The following TOGARAM1 variants were observed in gnomAD, a reference collection of about 807,000 sequenced individuals.
TOGARAM1 encodes the protein TOG array regulator of axonemal microtubules protein 1.
A neutral mutation model predicts 166.6 loss-of-function variants in TOGARAM1; 100 were observed. The ratio of observed to expected loss-of-function variants is 0.60; its 90% confidence interval spans 0.51 to 0.71. The LOEUF is 0.71. TOGARAM1 is among the 30% of genes least tolerant of loss of function. The probability of loss-of-function intolerance (pLI) is 0.00; values close to 1 mark genes in which losing one functional copy is unlikely to be tolerated. For synonymous variants in TOGARAM1, 758 were observed against 763.8 expected, an observed-to-expected ratio of 0.99 and a Z score of 0.13; for missense variants, 2,029 against 2,102.7, an observed-to-expected ratio of 0.96 and a Z score of 0.69.
chr14:45,044,261 C>T (rs1881868812), intron 12 of TOGARAM1, among the ~76,000 whole-genome samples: 1 of 152,098 alleles, frequency 6.6e-6, no homozygotes, highest in Non-Finnish European at 1.5e-5. Flanking sequence ...CCACCCACCT[C>T]GGCCTCCCAA....
chr14:44,964,348 A>T lies in TOGARAM1; in HGVS notation c.1927A>T (p.Thr643Ser), dbSNP rs776602927. 6.2e-7 allele frequency: 1 copy of T among 1,614,106 alleles called. No homozygotes were observed. Among genetic ancestry groups the T allele is most frequent in the East Asian group, 2.2e-5 (1 of 44,888 alleles). ...SMHIYGSYSP[T>S]ICTRRVLSAG... is the part of the protein sequence containing the mutation. ...GCACATTTATGGATCTTACAGCCCA[A>T]CTATCTGTACCCGAAGGGTATTAAG... Residue 643 changes from threonine to serine, a missense_variant, in exon 1 of 20, where the codon ACT (threonine) becomes TCT (serine). Physicochemically the swap from Thr to Ser is moderately conservative, Grantham distance 58. This residue lies in a region of TOGARAM1 where 1,453 missense variants were observed against 1,432.2 expected (regional missense o/e 1.01). Coordinates refer to ENST00000361462, the MANE Select transcript of TOGARAM1 (RefSeq NM_001308120.2).
rs779058741 is a variant in TOGARAM1 at position 45,052,463 on chromosome 14, C to T, written c.4341C>T (p.Phe1447=). ...ATTATGGTCGAAAGATGCTGTTCTT[C>T]ATGATGTGTCATCCTAACTTTGAAA... ...TRYYGRKMLF[F]MMCHPNFEKM... is the part of the protein sequence containing the mutation. The change falls in exon 15 of 20, where the codon TTC becomes TTT. Residue 1447 remains phenylalanine, a synonymous_variant. Coordinates refer to ENST00000361462, the MANE Select transcript of TOGARAM1 (RefSeq NM_001308120.2). 1.9e-6 allele frequency: 3 copies of T among 1,612,524 alleles called. No individual in the cohort carries two copies. The South Asian group carries it at 3.3e-5, about 18-fold the overall frequency.
chr14:45,073,655 A>C lies in TOGARAM1; in HGVS notation c.*94A>C. The C allele has an allele frequency of 8.4e-7, 1 of 1,185,686 alleles. No homozygotes were observed. The highest frequency in any genetic ancestry group is 1.6e-5 in the South Asian group (1 of 64,258). 73.4% of individuals were successfully genotyped at this position (1,185,686 alleles called of 1,614,324 possible). A position where few individuals can be genotyped will look rare whatever the true frequency, so the allele number is the denominator to read the frequency against. On this transcript the variant is annotated 3_prime_UTR_variant, in exon 20 of 20. Coordinates refer to ENST00000361462, the MANE Select transcript of TOGARAM1 (RefSeq NM_001308120.2). ...TATGTTATCAGTGCCTGCACTTCACATCCAGCAAATTAAGTCAATGGCTAT... is the reference window on the plus strand; with the variant it reads ...TATGTTATCAGTGCCTGCACTTCACCTCCAGCAAATTAAGTCAATGGCTAT...
At chr14:45,004,722 G>A (rs1322017693) in intron 4 of TOGARAM1, among the ~76,000 whole-genome samples, 3 of 152,100 alleles carry the variant, frequency 2.0e-5, no homozygotes, top group African/African-American at 7.2e-5. Context: ...AAAGTGCTGG[G>A]ATTACAGGCT....
chr14:44,978,659 A>G (rs1886348190), intron 1 of TOGARAM1, among the ~76,000 whole-genome samples: 1 of 152,130 alleles, frequency 6.6e-6, no homozygotes, highest in Non-Finnish European at 1.5e-5. Flanking sequence ...TTAGCCAGGC[A>G]TGGTGGCACA....
intron 3 of TOGARAM1, among the ~76,000 whole-genome samples, chr14:45,001,557 C>CA (rs539745279): frequency 1.3e-5 from 2 of 151,672 alleles, no homozygotes; most frequent in South Asian, 2.1e-4. Context: ...AATTCAATAG[C>CA]AAAAAAACAA....
intron 2 of TOGARAM1, among the ~76,000 whole-genome samples, chr14:44,998,449 T>G (rs1389459300): frequency 6.6e-6 from 1 of 152,192 alleles, no homozygotes; most frequent in Non-Finnish European, 1.5e-5. Flanking sequence ...GCGCTGTGGC[T>G]CACGCCTGTA....
intron 1 of TOGARAM1, among the ~76,000 whole-genome samples, chr14:44,994,614 T>A (rs905658939): frequency 6.6e-6 from 1 of 152,182 alleles, no homozygotes; most frequent in Non-Finnish European, 1.5e-5. Flanking sequence ...AGATGGGATT[T>A]CACTATGTTG....
At chr14:45,011,265 A>G (rs1004189274) in intron 6 of TOGARAM1, among the ~76,000 whole-genome samples, 12 of 152,146 alleles carry the variant, frequency 7.9e-5, no homozygotes, top group Admixed American at 7.2e-4. Flanking sequence ...GTTATCATAT[A>G]TAAGGATAGG....
rs766760641 is a variant in TOGARAM1 at position 45,073,327 on chromosome 14, G to A, written c.5088G>A (p.Pro1696=). The A allele has an allele frequency of 6.4e-5, 104 of 1,613,462 alleles. No homozygotes were observed. The Admixed American group carries it at 1.1e-3, about 17-fold the overall frequency. Reference sequence around the variant, plus strand: ...TTACGGAACTTTATCAAAGGAAGCCGCATGCCACAGAGCAGAAAGTGTTGG... The same window carrying A: ...TTACGGAACTTTATCAAAGGAAGCCACATGCCACAGAGCAGAAAGTGTTGG... The part of the protein sequence containing the change: ...DIVTELYQRK[P]HATEQKVLVV... Residue 1696 remains proline (P), a synonymous_variant, in exon 20 of 20, where the codon CCG becomes CCA. Transcript: ENST00000361462.
In TOGARAM1 at chr14:45,068,547, C is replaced by G. The variant is rs1170272635; in HGVS notation, c.4873C>G (p.Leu1625Val). The G allele has an allele frequency of 6.8e-6, 11 of 1,613,442 alleles. No individual in the cohort carries two copies. The highest frequency in any genetic ancestry group is 3.3e-4 in the Middle Eastern group (2 of 6,058). ...RDHLSPIINM[L>V]IPAIVDNNLN... is the part of the protein sequence containing the mutation. ...CCACTTATCTCCTATAATCAACATG[C>G]TAATTCCAGCAATAGTGGATAACAA... The change falls in exon 18 of 20, where the codon CTA becomes GTA. Residue 1625 changes from leucine (L) to valine (V), a missense_variant. By Grantham distance (32) the Leu-to-Val change is conservative. Around this residue, in one of 2 missense-constraint regions of TOGARAM1, gnomAD observed 576 missense variants for 670.5 expected, o/e 0.86. Transcript: ENST00000361462.
At chr14:45,027,724 G>T (rs1197265225) in intron 9 of TOGARAM1, among the ~76,000 whole-genome samples, 1 of 151,960 alleles carries the variant, frequency 6.6e-6, no homozygotes, top group Non-Finnish European at 1.5e-5. Context: ...ATACAAAAAT[G>T]TAGCTACAGC....
intron 11 of TOGARAM1, among the ~76,000 whole-genome samples, chr14:45,040,237 G>A (rs1379325844): frequency 6.6e-6 from 1 of 151,972 alleles, no homozygotes; most frequent in Non-Finnish European, 1.5e-5. Flanking sequence ...AAATCAAAAG[G>A]AAAATTACAA....
At chr14:45,071,684 C>T (rs1883390635) in intron 18 of TOGARAM1, 28 bp from the exon 19 acceptor site, 2 of 1,504,328 alleles carry the variant, frequency 1.3e-6, no homozygotes, top group Non-Finnish European at 1.8e-6. Context: ...ACTCTTTAAA[C>T]ATGTGTCTCT....
rs745355362 is a variant in TOGARAM1, at chr14:45,006,109, A to G, written c.2746A>G (p.Ile916Val). The G allele has an allele frequency of 1.9e-6, 3 of 1,614,102 alleles. No homozygotes were observed. Among genetic ancestry groups the G allele is most frequent in the Non-Finnish European group, 2.5e-6 (3 of 1,179,962 alleles). Reference sequence around the variant, plus strand: ...AAATGGGACAAAGCCTGTTCCTCCCATACCAAGGGGAATAAGCCTTTTGCC... The same window carrying G: ...AAATGGGACAAAGCCTGTTCCTCCCGTACCAAGGGGAATAAGCCTTTTGCC... ...GLNGTKPVPP[I>V]PRGISLLPDK... The change falls in exon 5 of 20, where the codon ATA becomes GTA. Residue 916 changes from isoleucine to valine, a missense_variant. This residue lies in a region of TOGARAM1 where 1,453 missense variants were observed against 1,432.2 expected (regional missense o/e 1.01). Coordinates refer to ENST00000361462, the MANE Select transcript of TOGARAM1 (RefSeq NM_001308120.2).
At chr14:45,001,942 A>C (rs17115737) in intron 3 of TOGARAM1, among the ~76,000 whole-genome samples, 7,072 of 152,252 alleles carry the variant, frequency 0.046, 537 homozygotes, top group African/African-American at 0.16. Context: ...TAACAGCTTT[A>C]ACAATTATTA....
intron 1 of TOGARAM1, among the ~76,000 whole-genome samples, chr14:44,980,596 A>T (rs1009704202): frequency 4.6e-5 from 7 of 152,092 alleles, no homozygotes; most frequent in Non-Finnish European, 8.8e-5. Flanking sequence ...CAAGAAAATC[A>T]CTTGAACCCA....
intron 1 of TOGARAM1, among the ~76,000 whole-genome samples, chr14:44,987,433 C>A (rs61269813): frequency 6.6e-5 from 10 of 152,066 alleles, no homozygotes; most frequent in African/African-American, 1.5e-4. Flanking sequence ...ACCCCATCAA[C>A]AAGTGGGCAA....
intron 16 of TOGARAM1, among the ~76,000 whole-genome samples, chr14:45,059,055 A>C (rs1450495641): frequency 6.6e-6 from 1 of 152,074 alleles, no homozygotes; most frequent in Admixed American, 6.6e-5. Flanking sequence ...AATTATTACT[A>C]TGACCTCTTT....
Sources: gnomAD v4.1 joint callset for allele counts (sites outside exome capture counted in the v4.1 genomes callset) on GRCh38, gnomAD v4.1.1 for gene constraint, gnomAD v4.1.1 regional missense constraint, MANE v1.5 for transcripts, NCBI Gene and HGNC (gene_info 2026-07-23, HGNC 2026-07-21) for gene names.